The following P2RX4 variants were observed in gnomAD, a reference collection of about 807,000 sequenced individuals.
P2RX4 encodes purinergic receptor P2X 4, also known as P2X purinoceptor 4.
Under a neutral mutation model 48.0 loss-of-function variants are expected in P2RX4, and 37 were observed. That is an observed-to-expected ratio of 0.77 (90% CI 0.59 to 1.01). The LOEUF (loss-of-function observed/expected upper bound fraction) is 1.01, where lower values mean the gene tolerates loss of function less well. Ranked by LOEUF, P2RX4 falls within the 50% of genes least tolerant of loss-of-function variation. P2RX4 has a pLI of 0.00. For synonymous variants in P2RX4, 200 were observed against 199.7 expected, an observed-to-expected ratio of 1.00 and a Z score of -0.01; for missense variants, 501 against 521.4, an observed-to-expected ratio of 0.96 and a Z score of 0.38.
intron 2 of P2RX4, among the ~76,000 whole-genome samples, chr12:121,220,901 G>A (rs1352645433): frequency 2.0e-5 from 3 of 152,140 alleles, no homozygotes; most frequent in African/African-American, 7.2e-5. Flanking sequence ...TGGCCTTTGT[G>A]TCTGGCTTCT....
intron 1 of P2RX4, chr12:121,214,620 GT>G (rs1269929640): frequency 1.3e-5 from 2 of 152,166 alleles, no homozygotes; most frequent in Non-Finnish European, 2.9e-5. Flanking sequence ...AAGCTTTTGT[GT>G]GTCAGACTGG....
intron 1 of P2RX4, 118 bp downstream of exon 1, chr12:121,210,416 G>T: frequency 9.4e-7 from 1 of 1,062,002 alleles, no homozygotes; most frequent in South Asian, 2.9e-5. Context: ...CCGAGGCGGT[G>T]ACACCTTCCC....
In P2RX4 at chr12:121,214,432, TCTC is replaced by T. The variant is rs796686068; in HGVS notation, c.135-2696_135-2694del. 2.6e-5 allele frequency: 4 copies of T among 152,076 alleles called. No homozygotes were observed. The East Asian group carries it at 5.8e-4, about 22-fold the overall frequency. 9.4% of individuals were successfully genotyped at this position (152,076 alleles called of 1,614,324 possible). On this transcript the variant is annotated intron_variant, in intron 1 of 11. Coordinates refer to ENST00000337233, the MANE Select transcript of P2RX4 (RefSeq NM_002560.3). ...GCAACTCATCTTAGTGAAATTGTGG[TCTC>T]CTCCTACAGCAACCCTCCCTCAAAA...
In P2RX4 at chr12:121,225,555, C is replaced by T. The variant is rs1480611464; in HGVS notation, c.524+2512C>T. Among the ~76,000 whole-genome samples the T allele has an allele frequency of 2.4e-4, 37 of 152,060 alleles. 1 individual carries two copies. The highest frequency in any genetic ancestry group is 2.4e-3 in the Admixed American group (36 of 15,256). On this transcript the variant is annotated intron_variant, in intron 5 of 11. Coordinates refer to ENST00000337233, the MANE Select transcript of P2RX4 (RefSeq NM_002560.3). ...CCTCCCCAGTAGCTGGGACTACAGG[C>T]GCCCACCACCACACCCAGCTAATTT...
chr12:121,210,305 G>T lies in P2RX4; in HGVS notation c.134+7G>T, dbSNP rs750904136. 6.6e-7 allele frequency: 1 copy of T among 1,518,280 alleles called. No homozygotes were observed. Among genetic ancestry groups the T allele is most frequent in the South Asian group, 1.2e-5 (1 of 80,634 alleles). 94.1% of individuals were successfully genotyped at this position (1,518,280 alleles called of 1,614,324 possible). A position where few individuals can be genotyped will look rare whatever the true frequency, so the allele number is the denominator to read the frequency against. On this transcript the variant is annotated splice_region_variant and intron_variant, in intron 1 of 11. Transcript: ENST00000337233. ...TCCTGGCCTACGTCATCGGGTGAGC[G>T]TGGGGCCGCGCGGGGGGCGCGGCGG...
At chr12:121,225,880 C>T (rs1192867408) in intron 5 of P2RX4, among the ~76,000 whole-genome samples, 2 of 151,936 alleles carry the variant, frequency 1.3e-5, no homozygotes, top group Admixed American at 1.3e-4. Context: ...GTAGTTGTGT[C>T]TCATAAGATA....
chr12:121,215,003 C>T (rs1210639504), intron 1 of P2RX4: 2 of 152,144 alleles, frequency 1.3e-5, no homozygotes, highest in African/African-American at 4.8e-5. Context: ...CCAGGCTGGT[C>T]TTGGACTCCT....
rs376105982 is a variant in P2RX4, at chr12:121,228,885, T to C, written c.747+19T>C. 1.4e-5 allele frequency: 22 copies of C among 1,613,918 alleles called. No homozygotes were observed. The highest frequency in any genetic ancestry group is 1.9e-5 in the Non-Finnish European group (22 of 1,180,022). On this transcript the variant is annotated intron_variant, in intron 7 of 11. Coordinates refer to ENST00000337233, the MANE Select transcript of P2RX4 (RefSeq NM_002560.3). The stretch of plus-strand genomic sequence containing the variant: ...CGTGGAGGTGGGTGCGGGCCCTGGC[T>C]CTCCTGACCCAGCCCTGGAGGCGTC...
intron 1 of P2RX4, chr12:121,212,824 A>ATATATATATATATTTTTT (rs370835501): frequency 6.2e-5 from 2 of 32,262 alleles, no homozygotes; most frequent in Non-Finnish European, 9.6e-5. Flanking sequence ...ATATATATAT[A>ATATATATATATATTTTTT]TTTTTTTTTT....
At chr12:121,222,539 A>C in intron 4 of P2RX4, 3 of 442,344 alleles carry the variant, frequency 6.8e-6, no homozygotes, top group Non-Finnish European at 1.3e-5. Flanking sequence ...CAGCCTCCCG[A>C]GTAGCTGGGA....
chr12:121,231,949 G>A (rs1210095202), intron 8 of P2RX4, among the ~76,000 whole-genome samples: 5 of 141,790 alleles, frequency 3.5e-5, no homozygotes, highest in African/African-American at 1.3e-4. Context: ...AGGTTGCAGT[G>A]AGCCAAGATT....
rs530035078 is a variant in P2RX4, at chr12:121,233,316, T to G, written c.1141-207T>G. ...CCCAGCCTCGTTTCAATGAGCGACA[T>G]CTCAGGTTGGTGATGATAATGCATG... On this transcript the variant is annotated intron_variant, in intron 11 of 11. Transcript: ENST00000337233. The G allele has an allele frequency of 1.2e-5, 8 of 645,564 alleles. No homozygotes were observed. The African/African-American group carries it at 1.3e-4, about 10-fold the overall frequency. The allele number at this position is 645,564 out of a possible 1,614,324, so 40.0% of individuals were successfully genotyped here.
At position 121,221,930 on chromosome 12, in the gene P2RX4, C is replaced by T. The variant is rs371199627; in HGVS notation, c.300C>T (p.Phe100=). Residue 100 remains phenylalanine, a synonymous_variant, in exon 3 of 12, where the codon TTC becomes TTT. Transcript: ENST00000337233. The part of the protein sequence containing the change: ...VIPAQEENSL[F]VMTNVILTMN... ...CTCTGCAGGAGGAAAACTCCCTCTT[C>T]GTCATGACCAACGTGATCCTCACCA... The T allele has an allele frequency of 2.4e-5, 39 of 1,614,212 alleles. No individual in the cohort carries two copies. The highest frequency in any genetic ancestry group is 1.6e-4 in the Middle Eastern group (1 of 6,062).
chr12:121,233,654 T>C lies in P2RX4; in HGVS notation c.*105T>C, dbSNP rs934495646. On this transcript the variant is annotated 3_prime_UTR_variant, in exon 12 of 12. Coordinates refer to ENST00000337233, the MANE Select transcript of P2RX4 (RefSeq NM_002560.3). ...CCCCAGAGAAATTTCTGGAATCTGA[T>C]TGAGTCTCCACTCCACAAGCACTCA... is the stretch of plus-strand genomic sequence containing the variant. 2.9e-5 allele frequency: 45 copies of C among 1,550,654 alleles called. 1 individual carries two copies. The East Asian group carries it at 4.9e-4, about 17-fold the overall frequency.
Position 121,222,987 on chromosome 12 carries a change from C to A in P2RX4, c.468C>A (p.Val156=). Residue 156 remains valine (V), a synonymous_variant, in exon 5 of 12, where the codon GTC becomes GTA. Coordinates refer to ENST00000337233, the MANE Select transcript of P2RX4 (RefSeq NM_002560.3). ...TGRCVAFNGS[V]KTCEVAAWCP... is the part of the protein sequence containing the mutation. ...GGTGCGTAGCTTTCAACGGGTCTGTCAAGACGTGTGAGGTGGCGGCCTGGT... is the reference window on the plus strand; with the variant it reads ...GGTGCGTAGCTTTCAACGGGTCTGTAAAGACGTGTGAGGTGGCGGCCTGGT... The A allele has an allele frequency of 6.2e-7, 1 of 1,613,836 alleles. No individual in the cohort carries two copies. Among genetic ancestry groups the A allele is most frequent in the Non-Finnish European group, 8.5e-7 (1 of 1,179,734 alleles).
intron 2 of P2RX4, among the ~76,000 whole-genome samples, chr12:121,219,042 AG>A (rs1886402294): frequency 6.6e-6 from 1 of 152,162 alleles, no homozygotes; most frequent in African/African-American, 2.4e-5. Context: ...GAGAGAAAGA[AG>A]GAGAGATAGG....
chr12:121,219,370 G>A (rs557547895), intron 2 of P2RX4, among the ~76,000 whole-genome samples: 2 of 152,270 alleles, frequency 1.3e-5, no homozygotes, highest in East Asian at 3.9e-4. Flanking sequence ...CCCCAAGATG[G>A]CTCCCACTAC....
At chr12:121,225,107 C>G (rs1886898138) in intron 5 of P2RX4, among the ~76,000 whole-genome samples, 1 of 147,966 alleles carries the variant, frequency 6.8e-6, no homozygotes. Flanking sequence ...AAGTCTCGCT[C>G]TGTCGCCCAG....
chr12:121,223,828 A>C (rs765120986), intron 5 of P2RX4, among the ~76,000 whole-genome samples: 9 of 152,116 alleles, frequency 5.9e-5, no homozygotes, highest in Non-Finnish European at 1.2e-4. Context: ...TGCTGAGCTG[A>C]GATGGTGCCA....
Sources: gnomAD v4.1 joint callset for allele counts (sites outside exome capture counted in the v4.1 genomes callset) on GRCh38, gnomAD v4.1.1 for gene constraint, MANE v1.5 for transcripts, NCBI Gene and HGNC (gene_info 2026-07-23, HGNC 2026-07-21) for gene names.